The following GPCPD1 variants were observed in gnomAD, a reference collection of about 807,000 sequenced individuals.
GPCPD1 encodes the protein glycerophosphocholine phosphodiesterase GPCPD1.
A neutral mutation model predicts 89.2 loss-of-function variants in GPCPD1; 29 were observed. The ratio of observed to expected loss-of-function variants is 0.33; its 90% CI spans 0.24 to 0.44. GPCPD1 has a LOEUF of 0.44. Ranked by LOEUF, GPCPD1 falls within the 20% of genes least tolerant of loss-of-function variation. The pLI, the probability that GPCPD1 is intolerant of heterozygous loss-of-function variation, is 1.00. For synonymous variants in GPCPD1, 258 were observed against 266.3 expected, an observed-to-expected ratio of 0.97 and a Z score of 0.30; for missense variants, 594 against 808.9, an observed-to-expected ratio of 0.73 and a Z score of 3.22.
chr20:5,548,640 C>T (rs1012501036), intron 19 of GPCPD1, among the ~76,000 whole-genome samples: 7 of 152,118 alleles, frequency 4.6e-5, no homozygotes, highest in African/African-American at 1.7e-4. Context: ...AAAAATAAAA[C>T]AAAGATTCTT....
Position 5,547,280 on chromosome 20 carries a change from T to C in GPCPD1, c.*381A>G, listed in dbSNP as rs2122506023. 6.5e-6 allele frequency: 1 copy of C among 153,186 alleles called. No individual in the cohort carries two copies. The highest frequency in any genetic ancestry group is 2.1e-4 in the South Asian group (1 of 4,834). 9.5% of individuals were successfully genotyped at this position (153,186 alleles called of 1,614,324 possible). On this transcript the variant is annotated 3_prime_UTR_variant, in exon 20 of 20. Coordinates refer to ENST00000379019, the MANE Select transcript of GPCPD1 (RefSeq NM_019593.5). ...GTCAGGTATAATTATGCATAGTCAT[T>C]TTCCTTAAGTGCTAAAGATTTCAGA...
chr20:5,597,071 G>A (rs545910622), intron 3 of GPCPD1, among the ~76,000 whole-genome samples: 14 of 152,116 alleles, frequency 9.2e-5, no homozygotes, highest in East Asian at 7.7e-4. Flanking sequence ...TCTGAAAATC[G>A]AAGAAAAAAT....
chr20:5,557,988 T>C lies in GPCPD1; in HGVS notation c.1786A>G (p.Arg596Gly). ...GDDTNDPENR[R>G]KLKELGVNGL... ...TTAACTCCAAGTTCCTTCAATTTCC[T>C]TCTGTTTTCAGGATCATTGGTATCA... Residue 596 changes from arginine (R) to glycine (G), a missense_variant, in exon 19 of 20, where the codon AGG (arginine) becomes GGG (glycine). Coordinates refer to ENST00000379019, the MANE Select transcript of GPCPD1 (RefSeq NM_019593.5). 1 of 1,602,920 alleles carries C rather than the reference T, an allele frequency of 6.2e-7. No homozygotes were observed. The highest frequency in any genetic ancestry group is 8.5e-7 in the Non-Finnish European group (1 of 1,170,868).
At chr20:5,587,772 T>C (rs915505527) in intron 4 of GPCPD1, among the ~76,000 whole-genome samples, 12 of 152,336 alleles carry the variant, frequency 7.9e-5, no homozygotes, top group African/African-American at 2.4e-4. Flanking sequence ...GATTTTAATA[T>C]TGATTAAATT....
At chr20:5,606,878 T>C (rs1217247382) in intron 1 of GPCPD1, among the ~76,000 whole-genome samples, 1 of 152,206 alleles carries the variant, frequency 6.6e-6, no homozygotes, top group Non-Finnish European at 1.5e-5. Context: ...CTGTCAAATA[T>C]TCATCTCACA....
At chr20:5,552,926 G>A (rs1985511137) in intron 19 of GPCPD1, among the ~76,000 whole-genome samples, 1 of 152,198 alleles carries the variant, frequency 6.6e-6, no homozygotes, top group African/African-American at 2.4e-5. Flanking sequence ...TACTCTTTGT[G>A]TAACACTTCT....
intron 11 of GPCPD1, among the ~76,000 whole-genome samples, chr20:5,573,296 G>A (rs1248482314): frequency 1.3e-5 from 2 of 152,106 alleles, no homozygotes; most frequent in East Asian, 3.8e-4. Flanking sequence ...ATGTTGGCCA[G>A]GCTGGTCTTG....
At chr20:5,574,365 A>G (rs1451596002) in intron 10 of GPCPD1, among the ~76,000 whole-genome samples, 3 of 152,208 alleles carry the variant, frequency 2.0e-5, no homozygotes, top group Non-Finnish European at 4.4e-5. Flanking sequence ...AATGAGAAAC[A>G]ACTGACACAC....
intron 7 of GPCPD1, 67 bp downstream of exon 7, chr20:5,579,941 A>G (rs558843076): frequency 2.1e-5 from 21 of 987,412 alleles, no homozygotes; most frequent in African/African-American, 1.8e-4. Context: ...GCTAAAACCA[A>G]TTGAGTCTGA....
At chr20:5,573,534 G>C (rs369758503) in intron 11 of GPCPD1, among the ~76,000 whole-genome samples, 1 of 152,160 alleles carries the variant, frequency 6.6e-6, no homozygotes, top group Admixed American at 6.5e-5. Flanking sequence ...CCAGGAGTTT[G>C]AAACAAGCCT....
chr20:5,568,230 G>GTATATATATATATATACTAAGTA (rs1555804944), intron 12 of GPCPD1, among the ~76,000 whole-genome samples: 6 of 145,536 alleles, frequency 4.1e-5, no homozygotes, highest in African/African-American at 1.5e-4. Context: ...AATATACTTA[G>GTATATATATATATATACTAAGTA]TATATATATA....
intron 2 of GPCPD1, 151 bp downstream of exon 2, chr20:5,604,213 C>T: frequency 1.7e-6 from 1 of 583,910 alleles, no homozygotes; most frequent in South Asian, 2.1e-5. Flanking sequence ...TTACTATGCT[C>T]CAAGCACATT....
rs561738176 is a variant in GPCPD1, at chr20:5,561,432, A to G, written c.1395+33T>C. On this transcript the variant is annotated intron_variant, in intron 16 of 19. Transcript: ENST00000379019. ...AAGAATTTTTTAGATAGGCATAGAGAGTATAGAATGTGCTGCATAGAGAAT... is the reference window on the plus strand; with the variant it reads ...AAGAATTTTTTAGATAGGCATAGAGGGTATAGAATGTGCTGCATAGAGAAT... 8 of 1,172,228 alleles carry G rather than the reference A, an allele frequency of 6.8e-6. No homozygotes were observed. The African/African-American group carries it at 1.1e-4, about 16-fold the overall frequency. 72.6% of individuals were successfully genotyped at this position (1,172,228 alleles called of 1,614,324 possible). A position where few individuals can be genotyped will look rare whatever the true frequency, so the allele number is the denominator to read the frequency against.
At chr20:5,551,533 C>G (rs1160260793) in intron 19 of GPCPD1, among the ~76,000 whole-genome samples, 2 of 152,020 alleles carry the variant, frequency 1.3e-5, no homozygotes, top group Non-Finnish European at 2.9e-5. Context: ...TTAACAAGAC[C>G]ACGAAAAGGA....
At chr20:5,575,714 G>A in intron 9 of GPCPD1, 102 bp downstream of exon 9, 3 of 929,444 alleles carry the variant, frequency 3.2e-6, no homozygotes, top group Non-Finnish European at 5.0e-6. Context: ...TGATACTAAA[G>A]CAAATTATTA....
intron 12 of GPCPD1, 123 bp from the exon 13 acceptor site, chr20:5,567,683 A>C (rs1466032674): frequency 1.1e-6 from 1 of 906,740 alleles, no homozygotes; most frequent in South Asian, 2.0e-5. Flanking sequence ...TTTACTCAAC[A>C]ATGAGAATAA....
rs185250169 is a variant in GPCPD1 at position 5,610,384 on chromosome 20, G to T, written c.-29+458C>A. Among the ~76,000 whole-genome samples the T allele has an allele frequency of 1.9e-3, 290 of 152,270 alleles. 4 individuals carry two copies. In the Middle Eastern group the frequency reaches 0.027, roughly 14 times the overall value. On this transcript the variant is annotated intron_variant, in intron 1 of 19. Transcript: ENST00000379019. ...TCCGGGCAATTTCAGAAAATAAGCAGTTGTCAAAACACGGTGAGTAACTTA... is the reference window on the plus strand; with the variant it reads ...TCCGGGCAATTTCAGAAAATAAGCATTTGTCAAAACACGGTGAGTAACTTA...
chr20:5,607,164 G>T (rs937930316), intron 1 of GPCPD1, among the ~76,000 whole-genome samples: 2 of 152,166 alleles, frequency 1.3e-5, no homozygotes, highest in Non-Finnish European at 2.9e-5. Context: ...GTGGGCACCG[G>T]TAATCCCAGC....
At chr20:5,609,190 G>C (rs532461744) in intron 1 of GPCPD1, among the ~76,000 whole-genome samples, 37 of 152,270 alleles carry the variant, frequency 2.4e-4, no homozygotes, top group Admixed American at 1.6e-3. Flanking sequence ...AAGGAAAAAA[G>C]CTGTTTCCAA....
Sources: allele counts gnomAD v4.1 joint callset (sites outside exome capture counted in the v4.1 genomes callset), GRCh38; gene constraint gnomAD v4.1.1; transcripts MANE v1.5; gene names NCBI Gene and HGNC (gene_info 2026-07-23, HGNC 2026-07-21).